The following FRAS1 variants were observed in gnomAD, a reference collection of about 807,000 sequenced individuals.
FRAS1 encodes extracellular matrix organizing protein FRAS1.
Under a neutral mutation model 435.2 loss-of-function variants are expected in FRAS1, and 290 were observed. That is an observed-to-expected ratio of 0.67 (90% CI 0.61 to 0.73). The LOEUF (loss-of-function observed/expected upper bound fraction) is 0.73. Among genes scored for constraint, FRAS1 ranks in the 30% least tolerant of loss-of-function variants. FRAS1 has a pLI of 0.00. For synonymous variants in FRAS1, 1,800 were observed against 1,851.0 expected, an observed-to-expected ratio of 0.97 and a Z score of 0.71; for missense variants, 4,860 against 5,001.5, an observed-to-expected ratio of 0.97 and a Z score of 0.85.
intron 17 of FRAS1, among the ~76,000 whole-genome samples, chr4:78,318,245 G>T (rs1003838929): frequency 6.6e-6 from 1 of 152,196 alleles, no homozygotes; most frequent in African/African-American, 2.4e-5. Context: ...GCACCAGATA[G>T]TTTGACTACC....
intron 20 of FRAS1, among the ~76,000 whole-genome samples, chr4:78,346,057 G>A (rs1730594823): frequency 6.6e-6 from 1 of 152,132 alleles, no homozygotes; most frequent in South Asian, 2.1e-4. Context: ...AAGTTTTTGT[G>A]GGTGTATGTT....
chr4:78,368,081 A>G (rs1310721898), intron 22 of FRAS1, among the ~76,000 whole-genome samples: 1 of 151,902 alleles, frequency 6.6e-6, no homozygotes, highest in African/African-American at 2.4e-5. Context: ...TCACAAGTTT[A>G]TTTTTGGAAT....
At position 78,277,170 on chromosome 4, in the gene FRAS1, A is replaced by C. The variant is rs942350884; in HGVS notation, c.982-1485A>C. Among the ~76,000 whole-genome samples, 3 of 152,310 alleles carry C rather than the reference A, an allele frequency of 2.0e-5. No individual in the cohort carries two copies. In the South Asian group the frequency reaches 6.2e-4, roughly 32 times the overall value. ...TTTGCTAAGACCATTGGAAAAGCGC[A>C]GTATTAGGGTGGGAGTAACCCAATT... On this transcript the variant is annotated intron_variant, in intron 9 of 73. Coordinates refer to ENST00000512123, the MANE Select transcript of FRAS1 (RefSeq NM_025074.7).
chr4:78,344,833 CATTTTAATA>C (rs1730545105), intron 20 of FRAS1, among the ~76,000 whole-genome samples: 1 of 152,204 alleles, frequency 6.6e-6, no homozygotes, highest in Non-Finnish European at 1.5e-5. Flanking sequence ...ATGCATACTA[CATTTTAATA>C]ATTTATTTCA....
chr4:78,333,284 C>T lies in FRAS1; in HGVS notation c.2150C>T (p.Ser717Phe). The T allele has an allele frequency of 6.2e-7, 1 of 1,608,344 alleles. No homozygotes were observed. Among genetic ancestry groups the T allele is most frequent in the African/African-American group, 1.3e-5 (1 of 74,846 alleles). ...STGICEACHQ[S>F]CFRCAGKSPH... is the part of the protein sequence containing the mutation. The stretch of plus-strand genomic sequence containing the variant: ...ATCTTTCCCCCAGCTTGCCACCAGT[C>T]CTGTTTCAGATGTGCAGGGAAAAGC... Residue 717 changes from serine (S) to phenylalanine (F), a missense_variant, in exon 19 of 74, where the codon TCC (serine) becomes TTC (phenylalanine). By Grantham distance (155) the Ser-to-Phe change is radical. Coordinates refer to ENST00000512123, the MANE Select transcript of FRAS1 (RefSeq NM_025074.7).
chr4:78,457,814 A>G (rs1719252844), intron 47 of FRAS1, among the ~76,000 whole-genome samples: 3 of 152,212 alleles, frequency 2.0e-5, no homozygotes, highest in African/African-American at 7.2e-5. Context: ...TCATTTCTTG[A>G]AGGAGCTAAA....
intron 61 of FRAS1, among the ~76,000 whole-genome samples, chr4:78,502,212 G>T (rs1040905010): frequency 2.0e-5 from 3 of 152,090 alleles, no homozygotes; most frequent in African/African-American, 7.2e-5. Flanking sequence ...CTCTTTTTTG[G>T]CTCCATATGA....
chr4:78,532,963 C>T (rs568427935), intron 70 of FRAS1, among the ~76,000 whole-genome samples: 1 of 152,230 alleles, frequency 6.6e-6, no homozygotes, highest in East Asian at 1.9e-4. Context: ...GATGTCTCTA[C>T]AAGATGGTGA....
At chr4:78,257,622 G>A (rs1391734425) in intron 6 of FRAS1, among the ~76,000 whole-genome samples, 1 of 152,110 alleles carries the variant, frequency 6.6e-6, no homozygotes, top group African/African-American at 2.4e-5. Context: ...CAAGCTGAAA[G>A]GAAAACAATC....
chr4:78,157,216 A>G (rs1228625203), intron 2 of FRAS1, among the ~76,000 whole-genome samples: 1 of 152,146 alleles, frequency 6.6e-6, no homozygotes, highest in Non-Finnish European at 1.5e-5. Flanking sequence ...TTCTTTACCC[A>G]GTTCACCATT....
At chr4:78,317,150 G>T (rs895975079) in intron 16 of FRAS1, among the ~76,000 whole-genome samples, 1 of 152,192 alleles carries the variant, frequency 6.6e-6, no homozygotes, top group Non-Finnish European at 1.5e-5. Flanking sequence ...ACTAAATAAA[G>T]GGTAGCTAAT....
intron 20 of FRAS1, among the ~76,000 whole-genome samples, chr4:78,362,229 A>G (rs1731097165): frequency 6.6e-6 from 1 of 152,214 alleles, no homozygotes; most frequent in Non-Finnish European, 1.5e-5. Context: ...CCAGCAACTC[A>G]ATCCAATTAT....
At chr4:78,284,095 A>T (rs1727460047) in intron 12 of FRAS1, among the ~76,000 whole-genome samples, 1 of 152,102 alleles carries the variant, frequency 6.6e-6, no homozygotes, top group Non-Finnish European at 1.5e-5. Context: ...TACATTATGG[A>T]AGTAGTCATT....
chr4:78,491,155 G>A (rs1447325199), intron 59 of FRAS1, among the ~76,000 whole-genome samples: 1 of 152,140 alleles, frequency 6.6e-6, no homozygotes, highest in Non-Finnish European at 1.5e-5. Context: ...TGAAATTGAG[G>A]CAGTAATTAA....
At chr4:78,242,543 C>G (rs1378868995) in intron 3 of FRAS1, among the ~76,000 whole-genome samples, 1 of 152,198 alleles carries the variant, frequency 6.6e-6, no homozygotes, top group African/African-American at 2.4e-5. Flanking sequence ...TCAAGTGATT[C>G]TCCTGCCTCA....
At chr4:78,283,955 G>A (rs1019549419) in intron 12 of FRAS1, among the ~76,000 whole-genome samples, 2 of 152,084 alleles carry the variant, frequency 1.3e-5, no homozygotes, top group African/African-American at 4.8e-5. Context: ...AGAAGAAAAT[G>A]GGGTGCATTT....
chr4:78,117,818 C>G (rs867396504), intron 2 of FRAS1, among the ~76,000 whole-genome samples: 1 of 31,932 alleles, frequency 3.1e-5, no homozygotes, highest in Middle Eastern at 6.0e-3. Context: ...CTGAAGCCTT[C>G]TTCTCTCAGC....
chr4:78,283,112 A>T, intron 12 of FRAS1, 145 bp downstream of exon 12: 1 of 605,244 alleles, frequency 1.7e-6, no homozygotes, highest in Non-Finnish European at 2.5e-6. Context: ...TTTTCTAACA[A>T]ATGATGCTAA....
intron 6 of FRAS1, among the ~76,000 whole-genome samples, chr4:78,256,858 G>A (rs2110139330): frequency 6.7e-6 from 1 of 149,216 alleles, no homozygotes; most frequent in African/African-American, 2.6e-5. Context: ...AGATCATTTA[G>A]AACCATTTTT....
Sources: gnomAD v4.1 joint callset for allele counts (sites outside exome capture counted in the v4.1 genomes callset) on GRCh38, gnomAD v4.1.1 for gene constraint, MANE v1.5 for transcripts, NCBI Gene and HGNC (gene_info 2026-07-23, HGNC 2026-07-21) for gene names.